The following HCN1 variants were observed in gnomAD, a reference collection of about 807,000 sequenced individuals.
The protein encoded by HCN1 is hyperpolarization activated cyclic nucleotide gated potassium channel 1.
Under a neutral mutation model 78.9 loss-of-function variants are expected in HCN1, and 13 were observed. That is an observed-to-expected ratio of 0.16 (90% confidence interval 0.11 to 0.26). HCN1 has a LOEUF of 0.26. HCN1 is among the 10% of genes least tolerant of loss of function. The pLI is 1.00. For missense variants in HCN1, 810 were observed against 1,154.3 expected (o/e 0.70, Z 4.32); for synonymous variants, 552 against 455.5 (o/e 1.21, Z -2.70).
chr5:45,674,152 G>C, intron 1 of HCN1, among the ~76,000 whole-genome samples: 1 of 150,848 alleles, frequency 6.6e-6, no homozygotes, highest in Non-Finnish European at 1.5e-5. Flanking sequence ...TATATATATA[G>C]ATATATAGAT....
intron 3 of HCN1, among the ~76,000 whole-genome samples, chr5:45,446,112 C>T (rs1740788537): frequency 6.6e-6 from 1 of 152,056 alleles, no homozygotes; most frequent in Non-Finnish European, 1.5e-5. Flanking sequence ...GAAATTCAAA[C>T]CAAAGGCAAA....
chr5:45,528,028 T>C (rs575420040), intron 2 of HCN1, among the ~76,000 whole-genome samples: 180 of 152,036 alleles, frequency 1.2e-3, no homozygotes, highest in Non-Finnish European at 1.5e-3. Flanking sequence ...TTTAGTTCCA[T>C]TTATTTATTT....
intron 2 of HCN1, among the ~76,000 whole-genome samples, chr5:45,538,418 C>A (rs777516401): frequency 3.3e-4 from 50 of 152,050 alleles, no homozygotes; most frequent in Non-Finnish European, 5.0e-4. Context: ...ATGGTCTCTA[C>A]GTACATTACT....
At position 45,261,534 on chromosome 5, in the gene HCN1, G is replaced by C; in HGVS notation, c.*387C>G. 1 of 161,414 alleles carries C rather than the reference G, an allele frequency of 6.2e-6. No homozygotes were observed. The highest frequency in any genetic ancestry group is 1.8e-4 in the East Asian group (1 of 5,678). 10.0% of individuals were successfully genotyped at this position (161,414 alleles called of 1,614,324 possible). On this transcript the variant is annotated 3_prime_UTR_variant, in exon 8 of 8. Coordinates refer to ENST00000303230, the MANE Select transcript of HCN1 (RefSeq NM_021072.4). ...ATTGGTGCTATTTACTAGTTCATTT[G>C]AGTTGCCTTTTTAAAATCAGTTTTG...
chr5:45,270,306 A>G (rs377630651), intron 6 of HCN1, among the ~76,000 whole-genome samples: 1 of 152,242 alleles, frequency 6.6e-6, no homozygotes, highest in African/African-American at 2.4e-5. Flanking sequence ...TCAGAACTGC[A>G]TCATGTGGCC....
intron 2 of HCN1, among the ~76,000 whole-genome samples, chr5:45,613,790 A>T (rs998540007): frequency 2.0e-5 from 3 of 152,274 alleles, no homozygotes. Flanking sequence ...TTTATTAAAA[A>T]TTCTTCAGTA....
At chr5:45,383,983 C>A (rs1747865671) in intron 4 of HCN1, among the ~76,000 whole-genome samples, 1 of 151,968 alleles carries the variant, frequency 6.6e-6, no homozygotes, top group South Asian at 2.1e-4. Flanking sequence ...TACCAAAACT[C>A]CTGAAATTGA....
At chr5:45,453,334 C>T (rs1740961567) in intron 3 of HCN1, among the ~76,000 whole-genome samples, 1 of 151,986 alleles carries the variant, frequency 6.6e-6, no homozygotes, top group Admixed American at 6.6e-5. Flanking sequence ...CAATTCAAAA[C>T]AACATTTTTA....
intron 3 of HCN1, among the ~76,000 whole-genome samples, chr5:45,421,355 C>T (rs1028269899): frequency 2.6e-5 from 4 of 152,188 alleles, no homozygotes; most frequent in Admixed American, 2.0e-4. Flanking sequence ...AGCCACCACG[C>T]CCGGCCAGCA....
At position 45,262,810 on chromosome 5, in the gene HCN1, C is replaced by T. The variant is rs1197541186; in HGVS notation, c.1784G>A (p.Gly595Glu). ...TVAIDRLDRI[G>E]KKNSILLQKF... ...TTGCAGAAGAATTGAATTTTTCTTT[C>T]CTGTCAGCAAAAGAAAGATAGGCAC... is the stretch of plus-strand genomic sequence containing the variant. Residue 595 changes from glycine (G) to glutamate (E), a missense_variant and splice_region_variant, in exon 8 of 8, where the codon GGA (glycine) becomes GAA (glutamate). Coordinates refer to ENST00000303230, the MANE Select transcript of HCN1 (RefSeq NM_021072.4). 1 of 1,613,456 alleles carries T rather than the reference C, an allele frequency of 6.2e-7. No homozygotes were observed. The highest frequency in any genetic ancestry group is 8.5e-7 in the Non-Finnish European group (1 of 1,180,030).
chr5:45,397,826 T>A (rs1358394624), intron 3 of HCN1, among the ~76,000 whole-genome samples: 1 of 151,732 alleles, frequency 6.6e-6, no homozygotes, highest in Non-Finnish European at 1.5e-5. Flanking sequence ...TGATTGGTCA[T>A]AAAATTTTTC....
intron 2 of HCN1, among the ~76,000 whole-genome samples, chr5:45,595,801 G>A (rs551264315): frequency 6.6e-6 from 1 of 150,706 alleles, no homozygotes; most frequent in East Asian, 2.0e-4. Flanking sequence ...GGATGATATA[G>A]CTATTCCCTG....
chr5:45,326,045 C>G (rs541792076), intron 5 of HCN1, among the ~76,000 whole-genome samples: 1 of 151,342 alleles, frequency 6.6e-6, no homozygotes, highest in South Asian at 2.1e-4. Context: ...TATTTAACTC[C>G]CCTTTCATTA....
intron 6 of HCN1, among the ~76,000 whole-genome samples, chr5:45,293,210 A>T (rs577667105): frequency 1.3e-5 from 2 of 152,074 alleles, no homozygotes; most frequent in African/African-American, 4.8e-5. Flanking sequence ...ATACACTGAC[A>T]TCAACAGTGT....
At chr5:45,380,856 A>T (rs1561134328) in intron 4 of HCN1, among the ~76,000 whole-genome samples, 1 of 152,158 alleles carries the variant, frequency 6.6e-6, no homozygotes. Flanking sequence ...TGCTTGCTCA[A>T]AGTGAGATTA....
intron 3 of HCN1, among the ~76,000 whole-genome samples, chr5:45,403,299 A>G (rs892263151): frequency 6.6e-6 from 1 of 152,150 alleles, no homozygotes; most frequent in Middle Eastern, 3.2e-3. Context: ...TCATACCTAC[A>G]TATCATTAAA....
intron 2 of HCN1, chr5:45,643,451 A>G (rs567080822): frequency 1.3e-5 from 2 of 152,230 alleles, no homozygotes; most frequent in East Asian, 3.9e-4. Context: ...GTTGTATTGC[A>G]TGGCCCACAG....
intron 6 of HCN1, among the ~76,000 whole-genome samples, chr5:45,299,967 G>T (rs571325354): frequency 6.6e-6 from 1 of 152,010 alleles, no homozygotes; most frequent in Admixed American, 6.6e-5. Context: ...TCTCAGAAAT[G>T]ATCTTATGGT....
intron 6 of HCN1, among the ~76,000 whole-genome samples, chr5:45,269,640 A>G (rs1264670034): frequency 6.6e-6 from 1 of 152,186 alleles, no homozygotes. Flanking sequence ...GGCCACTGAC[A>G]TCTCTCTTAA....
Sources: allele counts gnomAD v4.1 joint callset (sites outside exome capture counted in the v4.1 genomes callset), GRCh38; gene constraint gnomAD v4.1.1; transcripts MANE v1.5; gene names NCBI Gene and HGNC (gene_info 2026-07-23, HGNC 2026-07-21).